THBS4: variants seen among roughly 807,000 people sequenced by gnomAD.
THBS4 encodes thrombospondin-4.
Under a neutral mutation model 115.7 loss-of-function variants are expected in THBS4, and 90 were observed. That is an observed-to-expected ratio of 0.78 (90% CI 0.66 to 0.93). THBS4 has a LOEUF of 0.93. Ranked by LOEUF, THBS4 falls within the 40% of genes least tolerant of loss-of-function variation. The pLI is 0.00. For missense variants in THBS4, 1,087 were observed against 1,232.7 expected (o/e 0.88, Z 1.77); for synonymous variants, 460 against 479.3 (o/e 0.96, Z 0.53).
At chr5:80,046,906 G>T (rs1833085609) in intron 2 of THBS4, among the ~76,000 whole-genome samples, 1 of 152,086 alleles carries the variant, frequency 6.6e-6, no homozygotes, top group South Asian at 2.1e-4. Context: ...GAACATGTTG[G>T]ATACTATCAT....
chr5:80,047,795 G>A (rs981095914), intron 2 of THBS4, among the ~76,000 whole-genome samples: 16 of 151,308 alleles, frequency 1.1e-4, no homozygotes, highest in Non-Finnish European at 1.9e-4. Context: ...CACCACACCC[G>A]CCTAATTTTT....
intron 2 of THBS4, among the ~76,000 whole-genome samples, chr5:80,005,790 G>C (rs1246223232): frequency 7.3e-6 from 1 of 137,890 alleles, no homozygotes; most frequent in Non-Finnish European, 1.5e-5. Context: ...TTTTTGAGAC[G>C]GAGTCTCACT....
In THBS4 at chr5:80,059,763, C is replaced by T. The variant is rs199831631; in HGVS notation, c.845C>T (p.Pro282Leu). ...STVVPPAPPA[P>L]PTRPPRRCDS... ...GTGGTGCCCCCGGCTCCCCCTGCAC[C>T]GCCAACACGCCCACCTCGTCGGTGT... Residue 282 changes from proline (P) to leucine (L), a missense_variant, in exon 7 of 22, where the codon CCG (proline) becomes CTG (leucine). Coordinates refer to ENST00000350881, the MANE Select transcript of THBS4 (RefSeq NM_003248.6). The T allele has an allele frequency of 1.3e-3, 2,067 of 1,614,204 alleles. 22 individuals are homozygous for T. The highest frequency in any genetic ancestry group is 4.1e-4 in the South Asian group (37 of 91,086).
chr5:80,073,152 C>T (rs1742982898), intron 14 of THBS4, 123 bp from the exon 15 acceptor site: 4 of 985,798 alleles, frequency 4.1e-6, no homozygotes, highest in Non-Finnish European at 4.7e-6. Flanking sequence ...TGCAGTTTTG[C>T]ACCACCCCGG....
intron 14 of THBS4, among the ~76,000 whole-genome samples, 155 bp from the exon 15 acceptor site, chr5:80,073,120 C>T (rs1279405118): frequency 1.3e-5 from 2 of 152,198 alleles, no homozygotes; most frequent in African/African-American, 2.4e-5. Flanking sequence ...ATTGTGCCTA[C>T]ACCAATATGG....
chr5:80,009,871 G>A (rs1832088775), intron 2 of THBS4, among the ~76,000 whole-genome samples: 1 of 152,272 alleles, frequency 6.6e-6, no homozygotes, highest in African/African-American at 2.4e-5. Context: ...GGTGGCTCAA[G>A]CCTGTAATCC....
At chr5:80,002,678 T>C (rs959866870) in intron 2 of THBS4, among the ~76,000 whole-genome samples, 4 of 149,992 alleles carry the variant, frequency 2.7e-5, no homozygotes, top group African/African-American at 4.9e-5. Context: ...GTAAATGGCA[T>C]TGTGGTGAGT....
At chr5:80,074,761 G>A (rs182669493) in intron 15 of THBS4, among the ~76,000 whole-genome samples, 2 of 152,042 alleles carry the variant, frequency 1.3e-5, no homozygotes, top group Non-Finnish European at 1.5e-5. Flanking sequence ...TTACAGGTGT[G>A]TGCCACCATG....
chr5:80,077,642 T>TA (rs2112163727), intron 16 of THBS4, among the ~76,000 whole-genome samples: 1 of 152,352 alleles, frequency 6.6e-6, no homozygotes, highest in African/African-American at 2.4e-5. Flanking sequence ...AAGTTAGTGT[T>TA]AGAGATATTC....
chr5:80,067,282 TTAAA>T (rs1833864906), intron 9 of THBS4: 1 of 152,074 alleles, frequency 6.6e-6, no homozygotes, highest in East Asian at 1.9e-4. Flanking sequence ...ACTGCACACT[TTAAA>T]TATATTCAGT....
chr5:80,019,548 G>A (rs1299509799), intron 2 of THBS4: 4 of 152,248 alleles, frequency 2.6e-5, no homozygotes, highest in African/African-American at 9.7e-5. Flanking sequence ...GTATTGAAGG[G>A]TAAAGTGTCC....
chr5:80,062,383 C>CT (rs1354512483), intron 8 of THBS4, among the ~76,000 whole-genome samples: 1 of 152,170 alleles, frequency 6.6e-6, no homozygotes, highest in Non-Finnish European at 1.5e-5. Context: ...ATTTAACTGA[C>CT]TGACTGTGAA....
chr5:80,027,295 G>C (rs1832496370), intron 2 of THBS4, among the ~76,000 whole-genome samples: 1 of 152,146 alleles, frequency 6.6e-6, no homozygotes, highest in African/African-American at 2.4e-5. Context: ...TACAAGAGCA[G>C]AATCCCCACC....
chr5:80,039,019 A>G (rs755774000), intron 1 of THBS4, among the ~76,000 whole-genome samples: 3 of 152,206 alleles, frequency 2.0e-5, no homozygotes, highest in African/African-American at 4.8e-5. Flanking sequence ...ACATTTATTT[A>G]TATACTTAAT....
intron 2 of THBS4, among the ~76,000 whole-genome samples, chr5:80,006,479 A>C (rs1291227474): frequency 3.9e-5 from 6 of 152,224 alleles, no homozygotes; most frequent in Middle Eastern, 6.3e-3. Flanking sequence ...TTCCCCAGCC[A>C]TGTGGAACTG....
At chr5:80,036,909 C>G (rs964911324) in intron 1 of THBS4, among the ~76,000 whole-genome samples, 2 of 152,204 alleles carry the variant, frequency 1.3e-5, no homozygotes, top group African/African-American at 2.4e-5. Context: ...GCTGGAATCA[C>G]CCATTTAAAC....
intron 1 of THBS4, among the ~76,000 whole-genome samples, chr5:80,039,419 A>G (rs1832821918): frequency 6.6e-6 from 1 of 152,262 alleles, no homozygotes; most frequent in Non-Finnish European, 1.5e-5. Context: ...TGATTTTTGT[A>G]GAGCAATTCT....
In THBS4 at chr5:80,015,874, A is replaced by G. The variant is rs116360949; in HGVS notation, n.177+17447A>G. Among the ~76,000 whole-genome samples the G allele has an allele frequency of 2.4e-3, 367 of 152,362 alleles. 4 individuals are homozygous for G. The highest frequency in any genetic ancestry group is 8.4e-3 in the African/African-American group (351 of 41,580). On this transcript the variant is annotated intron_variant and non_coding_transcript_variant, in intron 2 of 3. Transcript: ENST00000510218. ...GCAAGGTATCTTTTACGAGGTGAGC[A>G]TTAGCATCAGCCTGGCAAGTACATT...
intron 2 of THBS4, among the ~76,000 whole-genome samples, chr5:80,048,197 T>A (rs1833137054): frequency 6.6e-6 from 1 of 152,230 alleles, no homozygotes; most frequent in African/African-American, 2.4e-5. Flanking sequence ...TAAATCTCTG[T>A]CTAGCTCTGA....
Sources: allele counts gnomAD v4.1 joint callset (sites outside exome capture counted in the v4.1 genomes callset), GRCh38; gene constraint gnomAD v4.1.1; transcripts MANE v1.5; gene names NCBI Gene and HGNC (gene_info 2026-07-23, HGNC 2026-07-21).